The following CDH13 variants were observed in gnomAD, a reference collection of about 807,000 sequenced individuals.
The protein encoded by CDH13 is cadherin 13, also known as cadherin-13.
CDH13 carries 24 observed loss-of-function variants against 63.8 expected under a neutral mutation model. The ratio of observed to expected loss-of-function variants is 0.38; its 90% CI spans 0.27 to 0.53. The LOEUF (loss-of-function observed/expected upper bound fraction) is 0.53, where lower values mean the gene tolerates loss of function less well. Among genes scored for constraint, CDH13 ranks in the 20% least tolerant of loss-of-function variants. The pLI is 0.85. For missense variants in CDH13, 1,049 were observed against 903.1 expected (o/e 1.16, Z -2.07); for synonymous variants, 503 against 355.3 (o/e 1.42, Z -4.67).
At chr16:83,705,929 G>T (rs1906971540) in intron 10 of CDH13, among the ~76,000 whole-genome samples, 1 of 152,104 alleles carries the variant, frequency 6.6e-6, no homozygotes, top group Non-Finnish European at 1.5e-5. Context: ...TCTGCCCTAG[G>T]GCTGGTTGCC....
chr16:83,511,112 G>GCACACACACATGCACATGTGCA (rs35731151), intron 7 of CDH13, among the ~76,000 whole-genome samples: 1 of 150,990 alleles, frequency 6.6e-6, no homozygotes, highest in Non-Finnish European at 1.5e-5. Flanking sequence ...ATGCACGCAT[G>GCACACACACATGCACATGTGCA]CACACACATG....
intron 7 of CDH13, among the ~76,000 whole-genome samples, chr16:83,542,927 G>T (rs1041873296): frequency 6.6e-6 from 1 of 152,158 alleles, no homozygotes; most frequent in Non-Finnish European, 1.5e-5. Flanking sequence ...GATATTAAGG[G>T]CTAAGACAAT....
intron 7 of CDH13, among the ~76,000 whole-genome samples, chr16:83,551,711 G>T (rs948981402): frequency 6.6e-6 from 1 of 152,124 alleles, no homozygotes; most frequent in African/African-American, 2.4e-5. Flanking sequence ...CTCCCTTGGA[G>T]AAATAAATGC....
Position 82,890,692 on chromosome 16 carries a change from C to T in CDH13, c.157+32219C>T, listed in dbSNP as rs181116607. 1.1e-4 allele frequency among the ~76,000 whole-genome samples: 16 copies of T among 147,660 alleles called. No individual in the cohort carries two copies. The East Asian group carries it at 1.2e-3, about 11-fold the overall frequency. ...TCCAAGACTAACTTTTGCTCTGTAG[C>T]CCAGGCTAGAGTGCAATGGCATGAT... On this transcript the variant is annotated intron_variant, in intron 2 of 13. Transcript: ENST00000567109.
intron 2 of CDH13, among the ~76,000 whole-genome samples, chr16:82,986,075 T>C (rs1910900154): frequency 6.6e-6 from 1 of 152,334 alleles, no homozygotes; most frequent in South Asian, 2.1e-4. Flanking sequence ...TACTTCTATA[T>C]AGTGACGTAA....
chr16:82,849,783 A>G (rs2039406270), intron 1 of CDH13, among the ~76,000 whole-genome samples: 1 of 152,204 alleles, frequency 6.6e-6, no homozygotes, highest in Non-Finnish European at 1.5e-5. Context: ...CATTGCAAAC[A>G]TCTTAGGGCC....
intron 2 of CDH13, among the ~76,000 whole-genome samples, chr16:82,911,360 G>C (rs2041823626): frequency 6.6e-6 from 1 of 152,072 alleles, no homozygotes; most frequent in Non-Finnish European, 1.5e-5. Flanking sequence ...TTTTCATCAT[G>C]CCTCTCCCCT....
chr16:82,851,684 T>C (rs75103331), intron 1 of CDH13, among the ~76,000 whole-genome samples: 19 of 21,272 alleles, frequency 8.9e-4, no homozygotes, highest in Non-Finnish European at 1.6e-3. Flanking sequence ...TACGTGTGTG[T>C]GTGTGTGTGT....
intron 2 of CDH13, among the ~76,000 whole-genome samples, chr16:82,971,075 A>G (rs1479636484): frequency 6.6e-6 from 1 of 152,184 alleles, no homozygotes; most frequent in Non-Finnish European, 1.5e-5. Context: ...TTACTTGCAG[A>G]AGAACAAACA....
chr16:83,776,499 C>T (rs961956050), intron 11 of CDH13, among the ~76,000 whole-genome samples: 1 of 152,174 alleles, frequency 6.6e-6, no homozygotes, highest in Non-Finnish European at 1.5e-5. Flanking sequence ...ATTTGTGTTG[C>T]TATTTTAGCA....
At chr16:82,696,292 T>A (rs1259248295) in intron 1 of CDH13, among the ~76,000 whole-genome samples, 1 of 152,210 alleles carries the variant, frequency 6.6e-6, no homozygotes, top group Non-Finnish European at 1.5e-5. Context: ...AAAGTGTCAC[T>A]CACTCTATAT....
intron 10 of CDH13, among the ~76,000 whole-genome samples, chr16:83,724,666 C>T (rs1910165639): frequency 6.6e-6 from 1 of 152,182 alleles, no homozygotes; most frequent in African/African-American, 2.4e-5. Flanking sequence ...CCTACCATCT[C>T]ACTGAAGGAG....
At chr16:82,771,460 G>A (rs1241472939) in intron 1 of CDH13, among the ~76,000 whole-genome samples, 3 of 152,144 alleles carry the variant, frequency 2.0e-5, no homozygotes, top group African/African-American at 7.2e-5. Flanking sequence ...TTTGTAAAGG[G>A]CAATTAATCT....
At chr16:83,226,224 G>C (rs1447617100) in intron 5 of CDH13, among the ~76,000 whole-genome samples, 4 of 152,180 alleles carry the variant, frequency 2.6e-5, no homozygotes, top group Non-Finnish European at 5.9e-5. Flanking sequence ...TTATCTGTCA[G>C]GTGCAGCTGG....
rs76391217 is a variant in CDH13, at chr16:83,610,946, C to T, written c.1101+8352C>T. On this transcript the variant is annotated intron_variant, in intron 8 of 13. Coordinates refer to ENST00000567109, the MANE Select transcript of CDH13 (RefSeq NM_001257.5). ...CTTGACTGCTATATATTTTCCCCAA[C>T]ATTTGGTTTTATCAGTTTTTTGGTT... Among the ~76,000 whole-genome samples the T allele has an allele frequency of 2.4e-3, 362 of 152,292 alleles. 14 individuals carry two copies. The East Asian group carries it at 0.062, about 26-fold the overall frequency.
chr16:83,100,161 T>A (rs541362663), intron 3 of CDH13, among the ~76,000 whole-genome samples: 1 of 152,198 alleles, frequency 6.6e-6, no homozygotes, highest in African/African-American at 2.4e-5. Flanking sequence ...TCTGGTTTAC[T>A]AGGGTTAGAA....
At chr16:83,383,013 AC>A (rs565674234) in intron 6 of CDH13, 1 of 152,086 alleles carries the variant, frequency 6.6e-6, no homozygotes, top group Non-Finnish European at 1.5e-5. Context: ...AAGTGCAGAA[AC>A]CCCGAGTTAC....
chr16:83,345,948 C>T (rs886772367), intron 6 of CDH13, among the ~76,000 whole-genome samples: 8 of 152,098 alleles, frequency 5.3e-5, no homozygotes. Flanking sequence ...TGGGATCTAT[C>T]AGTGACATGT....
chr16:83,528,476 G>A (rs770955870), intron 7 of CDH13, among the ~76,000 whole-genome samples: 131 of 152,148 alleles, frequency 8.6e-4, no homozygotes, highest in Non-Finnish European at 1.5e-3. Flanking sequence ...ACTCCCATGA[G>A]GCTCATTCTC....
Sources: gnomAD v4.1 joint callset for allele counts (sites outside exome capture counted in the v4.1 genomes callset) on GRCh38, gnomAD v4.1.1 for gene constraint, MANE v1.5 for transcripts, NCBI Gene and HGNC (gene_info 2026-07-23, HGNC 2026-07-21) for gene names.